OR6B1: variants seen among roughly 807,000 people sequenced by gnomAD.
The protein encoded by OR6B1 is olfactory receptor 6B1.
In OR6B1, 15 loss-of-function variants were observed where a neutral mutation model predicts 15.4. The ratio of observed to expected loss-of-function variants is 0.97; its 90% CI spans 0.65 to 1.50. The LOEUF is 1.50. Among genes scored for constraint, OR6B1 ranks in the 40% most tolerant of loss-of-function variants. OR6B1 has a pLI of 0.00. For synonymous variants in OR6B1, 139 were observed against 144.9 expected, an observed-to-expected ratio of 0.96 and a Z score of 0.29; for missense variants, 384 against 385.0, an observed-to-expected ratio of 1.00 and a Z score of 0.02.
Position 144,006,046 on chromosome 7 carries a change from A to C in OR6B1, c.*1114A>C, listed in dbSNP as rs1461493240. On this transcript the variant is annotated 3_prime_UTR_variant, in exon 2 of 2. Coordinates refer to ENST00000641698, the MANE Select transcript of OR6B1 (RefSeq NM_001005281.3). The stretch of plus-strand genomic sequence containing the variant: ...TTCTTTTATTGTAACAGTTTTAAAC[A>C]GGAGAGTTTCTTGCATTAATAACAT... 6.6e-6 allele frequency: 1 copy of C among 152,238 alleles called. No homozygotes were observed. Among genetic ancestry groups the C allele is most frequent in the East Asian group, 1.9e-4 (1 of 5,202 alleles). 9.4% of individuals were successfully genotyped at this position (152,238 alleles called of 1,614,324 possible).
intron 1 of OR6B1, among the ~76,000 whole-genome samples, chr7:144,003,167 C>G (rs950130591): frequency 6.6e-6 from 1 of 152,212 alleles, no homozygotes; most frequent in Non-Finnish European, 1.5e-5. Context: ...AGATCCTCCC[C>G]TCCCTCCAGT....
rs766413477 is a variant in OR6B1, at chr7:144,003,773, TCACACA to T, written c.-25-167_-25-162del. On this transcript the variant is annotated intron_variant, in intron 1 of 1. Transcript: ENST00000641698. Reference sequence around the variant, plus strand: ...TTCTTCATCTTTAAAACAGATACAATCACACACACACACACACACACACACACACAC... The same window carrying T: ...TTCTTCATCTTTAAAACAGATACAATCACACACACACACACACACACACAC... 2.6e-3 allele frequency among the ~76,000 whole-genome samples: 358 copies of T among 140,220 alleles called. 3 individuals are homozygous for T. Among genetic ancestry groups the T allele is most frequent in the African/African-American group, 8.3e-3 (322 of 38,566 alleles). The allele number at this position is 140,220 out of a possible 152,430, so 92.0% of individuals were successfully genotyped here. A position where few individuals can be genotyped will look rare whatever the true frequency, so the allele number is the denominator to read the frequency against.
intron 1 of OR6B1, among the ~76,000 whole-genome samples, chr7:144,002,378 A>G (rs1244362500): frequency 6.6e-6 from 1 of 152,206 alleles, no homozygotes; most frequent in Non-Finnish European, 1.5e-5. Context: ...GTTAGTAAAG[A>G]TAGTAAGATA....
At position 144,005,257 on chromosome 7, in the gene OR6B1, A is replaced by T. The variant is rs77355575; in HGVS notation, c.*325A>T. 0.018 allele frequency: 3,963 copies of T among 221,588 alleles called. 172 individuals carry two copies. The highest frequency in any genetic ancestry group is 0.084 in the African/African-American group (3,669 of 43,562). The allele number at this position is 221,588 out of a possible 1,614,324, so 13.7% of individuals were successfully genotyped here. A position where few individuals can be genotyped will look rare whatever the true frequency, so the allele number is the denominator to read the frequency against. On this transcript the variant is annotated 3_prime_UTR_variant, in exon 2 of 2. Coordinates refer to ENST00000641698, the MANE Select transcript of OR6B1 (RefSeq NM_001005281.3). ...TTAGCTGTTTTTGGATCTGCCATAC[A>T]CTAATAGCTCTGGGGCCAACAAAAT...
intron 1 of OR6B1, 172 bp from the exon 2 acceptor site, chr7:144,003,800 C>CACAT: frequency 1.7e-6 from 1 of 593,060 alleles, no homozygotes; most frequent in Non-Finnish European, 3.0e-6. Flanking sequence ...CACACACACA[C>CACAT]ACACACACAC....
rs997943238 is a variant in OR6B1, at chr7:144,005,005, C to T, written c.*73C>T. The T allele has an allele frequency of 1.4e-5, 15 of 1,080,938 alleles. No individual in the cohort carries two copies. Among genetic ancestry groups the T allele is most frequent in the Admixed American group, 5.2e-5 (2 of 38,612 alleles). 67.0% of individuals were successfully genotyped at this position (1,080,938 alleles called of 1,614,324 possible). On this transcript the variant is annotated 3_prime_UTR_variant, in exon 2 of 2. Transcript: ENST00000641698. The stretch of plus-strand genomic sequence containing the variant: ...TCTTCCTCCATCCTTTCTCCTTTAA[C>T]GACTCAGTTAGGACACTGCCCATGT...
At chr7:144,003,412 G>A (rs1262768820) in intron 1 of OR6B1, among the ~76,000 whole-genome samples, 1 of 152,116 alleles carries the variant, frequency 6.6e-6, no homozygotes, top group Non-Finnish European at 1.5e-5. Flanking sequence ...CTTGAATGAG[G>A]TCCAGGAGGT....
rs1200537017 is a variant in OR6B1, at chr7:144,005,001, T to C, written c.*69T>C. On this transcript the variant is annotated 3_prime_UTR_variant, in exon 2 of 2. Coordinates refer to ENST00000641698, the MANE Select transcript of OR6B1 (RefSeq NM_001005281.3). ...TATGTCTTCCTCCATCCTTTCTCCT[T>C]TAACGACTCAGTTAGGACACTGCCC... 1 of 1,119,770 alleles carries C rather than the reference T, an allele frequency of 8.9e-7. No homozygotes were observed. Among genetic ancestry groups the C allele is most frequent in the Non-Finnish European group, 1.3e-6 (1 of 793,190 alleles). The allele number at this position is 1,119,770 out of a possible 1,614,324, so 69.4% of individuals were successfully genotyped here.
rs1308238915 is a variant in OR6B1, at chr7:144,006,110, T to G, written c.*1178T>G. 2 of 152,248 alleles carry G rather than the reference T, an allele frequency of 1.3e-5. No homozygotes were observed. The highest frequency in any genetic ancestry group is 4.8e-5 in the African/African-American group (2 of 41,470). The allele number at this position is 152,248 out of a possible 1,614,324, so 9.4% of individuals were successfully genotyped here. A position where few individuals can be genotyped will look rare whatever the true frequency, so the allele number is the denominator to read the frequency against. ...ACAAACCACACTTTCAAGAATGCTT[T>G]CTCTTTCTTCTTAATTAAGAAACGT... On this transcript the variant is annotated 3_prime_UTR_variant, in exon 2 of 2. Coordinates refer to ENST00000641698, the MANE Select transcript of OR6B1 (RefSeq NM_001005281.3).
At chr7:144,002,442 A>G (rs534252247) in intron 1 of OR6B1, among the ~76,000 whole-genome samples, 2 of 152,352 alleles carry the variant, frequency 1.3e-5, no homozygotes, top group East Asian at 3.9e-4. Context: ...CCTCTAGGTA[A>G]TAAGCTCTAT....
chr7:144,004,140 G>T lies in OR6B1; in HGVS notation c.144G>T (p.Leu48Phe). 11 of 1,614,052 alleles carry T rather than the reference G, an allele frequency of 6.8e-6. No individual in the cohort carries two copies. The Middle Eastern group carries it at 1.8e-3, about 266-fold the overall frequency. ...TVAENVIIIL[L>F]VLQNRPLHKP... Reference sequence around the variant, plus strand: ...CTGAAAACGTGATCATCATCCTATTGGTGCTGCAAAATCGGCCACTGCACA... The same window carrying T: ...CTGAAAACGTGATCATCATCCTATTTGTGCTGCAAAATCGGCCACTGCACA... Residue 48 changes from leucine (L) to phenylalanine (F), a missense_variant, in exon 2 of 2, where the codon TTG (leucine) becomes TTT (phenylalanine). Physicochemically the swap from Leu to Phe is conservative, Grantham distance 22 (BLOSUM62 0). Coordinates refer to ENST00000641698, the MANE Select transcript of OR6B1 (RefSeq NM_001005281.3).
chr7:144,003,449 T>C (rs10246751), intron 1 of OR6B1, among the ~76,000 whole-genome samples: 62,948 of 151,872 alleles, frequency 0.41, 13,828 homozygotes, highest in East Asian at 0.58. Flanking sequence ...CCCAAATCTC[T>C]GCTACTCACT....
chr7:144,004,457 G>C lies in OR6B1; in HGVS notation c.461G>C (p.Gly154Ala), dbSNP rs371262239. The C allele has an allele frequency of 3.1e-6, 5 of 1,614,056 alleles. No homozygotes were observed. In the African/African-American group the frequency reaches 5.3e-5, roughly 17 times the overall value. ...LALGSWAIGF[G>A]ISLAKIYFIS... ...CTTGGTTCCTGGGCCATTGGCTTTG[G>C]CATCTCCCTGGCGAAGATCTACTTC... is the stretch of plus-strand genomic sequence containing the variant. Residue 154 changes from glycine to alanine, a missense_variant, in exon 2 of 2, where the codon GGC (glycine) becomes GCC (alanine). Physicochemically the swap from Gly to Ala is moderately conservative, Grantham distance 60 (BLOSUM62 0). Transcript: ENST00000641698.
Position 144,004,740 on chromosome 7 carries a change from T to C in OR6B1, c.744T>C (p.Ile248=). Residue 248 remains isoleucine, a synonymous_variant, in exon 2 of 2, where the codon ATT becomes ATC. Transcript: ENST00000641698. ...CCTCCCATCTTGTGGTGGTCACCATTTTCTATTCAGCCATTATTTTCATGT... is the reference window on the plus strand; with the variant it reads ...CCTCCCATCTTGTGGTGGTCACCATCTTCTATTCAGCCATTATTTTCATGT... ...TCASHLVVVT[I]FYSAIIFMYA... 1 of 1,614,222 alleles carries C rather than the reference T, an allele frequency of 6.2e-7. No individual in the cohort carries two copies. The highest frequency in any genetic ancestry group is 1.1e-5 in the South Asian group (1 of 91,088).
Position 144,004,430 on chromosome 7 carries a change from C to T in OR6B1, c.434C>T (p.Ala145Val). Residue 145 changes from alanine to valine, a missense_variant, in exon 2 of 2, where the codon GCT (alanine) becomes GTT (valine). Coordinates refer to ENST00000641698, the MANE Select transcript of OR6B1 (RefSeq NM_001005281.3). Reference protein sequence around the residue: ...IMSHGLCFRLALGSWAIGFGI... With the variant: ...IMSHGLCFRLVLGSWAIGFGI... ...AGCCATGGGCTCTGCTTCCGCCTCG[C>T]TCTTGGTTCCTGGGCCATTGGCTTT... The T allele has an allele frequency of 6.2e-7, 1 of 1,614,210 alleles. No homozygotes were observed. Among genetic ancestry groups the T allele is most frequent in the South Asian group, 1.1e-5 (1 of 91,084 alleles).
At chr7:144,001,395 T>G (rs770968318) in intron 1 of OR6B1, among the ~76,000 whole-genome samples, 3 of 152,218 alleles carry the variant, frequency 2.0e-5, no homozygotes, top group Non-Finnish European at 4.4e-5. Context: ...TGAACAAGTA[T>G]AGCTAAATAT....
chr7:144,003,833 G>A (rs552800242), intron 1 of OR6B1, 139 bp from the exon 2 acceptor site: 14 of 549,210 alleles, frequency 2.5e-5, no homozygotes, highest in Admixed American at 9.6e-5. Flanking sequence ...ATTAAATTAC[G>A]TTGTGTGCCT....
chr7:144,004,742 T>C lies in OR6B1; in HGVS notation c.746T>C (p.Phe249Ser). 6.2e-7 allele frequency: 1 copy of C among 1,614,262 alleles called. No homozygotes were observed. The highest frequency in any genetic ancestry group is 1.1e-5 in the South Asian group (1 of 91,090). ...TCCCATCTTGTGGTGGTCACCATTT[T>C]CTATTCAGCCATTATTTTCATGTAT... ...CASHLVVVTI[F>S]YSAIIFMYAR... Residue 249 changes from phenylalanine (F) to serine (S), a missense_variant, in exon 2 of 2, where the codon TTC (phenylalanine) becomes TCC (serine). By Grantham distance (155) the Phe-to-Ser change is radical. Transcript: ENST00000641698.
At chr7:144,001,989 C>A (rs2050587333) in intron 1 of OR6B1, among the ~76,000 whole-genome samples, 1 of 152,110 alleles carries the variant, frequency 6.6e-6, no homozygotes, top group Admixed American at 6.5e-5. Context: ...CATTTGGGTT[C>A]ATCTCTAATA....
Sources: allele counts gnomAD v4.1 joint callset (sites outside exome capture counted in the v4.1 genomes callset), GRCh38; gene constraint gnomAD v4.1.1; transcripts MANE v1.5; gene names NCBI Gene and HGNC (gene_info 2026-07-23, HGNC 2026-07-21).